The following GPR17 variants were observed in gnomAD, a reference collection of about 807,000 sequenced individuals.
GPR17 encodes the protein G protein-coupled receptor 17, also known as uracil nucleotide/cysteinyl leukotriene receptor.
GPR17 carries 4 observed loss-of-function variants against 1.5 expected under a neutral mutation model. The observed-to-expected ratio is 2.73, with a 90% CI of 1.35 to 6.25. The LOEUF (loss-of-function observed/expected upper bound fraction) is 6.25, where lower values mean the gene tolerates loss of function less well. GPR17 is among the 30% of genes most tolerant of loss of function. The pLI, the probability that GPR17 is intolerant of heterozygous loss-of-function variation, is 0.00. For synonymous variants in GPR17, 209 were observed against 207.6 expected (o/e 1.01, Z -0.06); for missense variants, 463 against 462.1 (o/e 1.00, Z -0.02).
At chr2:127,650,318 C>T in intron 1 of GPR17, 1 of 564,622 alleles carries the variant, frequency 1.8e-6, no homozygotes, top group East Asian at 3.0e-5. Context: ...TGCCCCCGCC[C>T]CTCACCACCC....
chr2:127,651,770 C>T lies in GPR17; in HGVS notation c.*15C>T. The T allele has an allele frequency of 6.2e-7, 1 of 1,607,050 alleles. No homozygotes were observed. Among genetic ancestry groups the T allele is most frequent in the Non-Finnish European group, 8.5e-7 (1 of 1,176,050 alleles). On this transcript the variant is annotated 3_prime_UTR_variant, in exon 2 of 2. Coordinates refer to ENST00000486700, the MANE Select transcript of GPR17 (RefSeq NM_001161417.2). ...CAGAGCTGTGAGCGGGGGGCGCCGT[C>T]CAGGCCGAGCGCAGACTGTTTAGGA...
intron 1 of GPR17, 78 bp from the exon 2 acceptor site, chr2:127,650,638 C>T (rs1683648759): frequency 2.0e-6 from 2 of 1,015,560 alleles, no homozygotes; most frequent in African/African-American, 1.6e-5. Flanking sequence ...GCATTGGAGG[C>T]CTGACTTCTG....
chr2:127,649,553 C>T (rs577677803), intron 1 of GPR17, among the ~76,000 whole-genome samples: 200 of 152,366 alleles, frequency 1.3e-3, no homozygotes, highest in African/African-American at 4.4e-3. Context: ...GCCCTGGTTC[C>T]GGGCTGCGGG....
chr2:127,652,012 G>GA lies in GPR17; in HGVS notation c.*258dup, dbSNP rs1683853628. On this transcript the variant is annotated 3_prime_UTR_variant, in exon 2 of 2. Transcript: ENST00000486700. ...ACTCAACGACTTCATCTGTGGCAGG[G>GA]AGAGAGGAGGCCGGAAGAACAACCC... The GA allele has an allele frequency of 1.9e-6, 1 of 539,834 alleles. No individual in the cohort carries two copies. The highest frequency in any genetic ancestry group is 3.4e-6 in the Non-Finnish European group (1 of 296,370). 33.4% of individuals were successfully genotyped at this position (539,834 alleles called of 1,614,324 possible).
rs914380423 is a variant in GPR17 at position 127,649,907 on chromosome 2, T to A, written c.-20-809T>A. ...ATGGGTCTTCCCCTCCTGGAAGAGA[T>A]GCTGCCCCCTGGTGGTGGATCTACT... On this transcript the variant is annotated intron_variant, in intron 1 of 1. Transcript: ENST00000486700. 1.2e-5 allele frequency: 11 copies of A among 930,362 alleles called. No homozygotes were observed. The African/African-American group carries it at 1.5e-4, about 13-fold the overall frequency. The allele number at this position is 930,362 out of a possible 1,614,324, so 57.6% of individuals were successfully genotyped here.
chr2:127,650,734 G>A lies in GPR17; in HGVS notation c.-2G>A. On this transcript the variant is annotated 5_prime_UTR_variant, in exon 2 of 2. Transcript: ENST00000486700. ...CCTCCAGGCTCTGACTCCAGCCAAA[G>A]CATGAATGGCCTTGAAGTGGCTCCC... 6.2e-7 allele frequency: 1 copy of A among 1,607,454 alleles called. No individual in the cohort carries two copies.
intron 1 of GPR17, among the ~76,000 whole-genome samples, chr2:127,649,355 G>C (rs2105260897): frequency 6.6e-6 from 1 of 152,336 alleles, no homozygotes; most frequent in South Asian, 2.1e-4. Context: ...GGCACAGGCA[G>C]GATGCCAGCT....
chr2:127,652,145 T>G lies in GPR17; in HGVS notation c.*390T>G. On this transcript the variant is annotated 3_prime_UTR_variant, in exon 2 of 2. Coordinates refer to ENST00000486700, the MANE Select transcript of GPR17 (RefSeq NM_001161417.2). ...AAAGACCCTGAAGGCAGGCTGCAAA[T>G]GACCCAGAAGAGGGACCTGGGAGTC... 3.9e-6 allele frequency: 1 copy of G among 254,556 alleles called. No individual in the cohort carries two copies. Among genetic ancestry groups the G allele is most frequent in the Non-Finnish European group, 8.1e-6 (1 of 122,772 alleles). The allele number at this position is 254,556 out of a possible 1,614,324, so 15.8% of individuals were successfully genotyped here. A position where few individuals can be genotyped will look rare whatever the true frequency, so the allele number is the denominator to read the frequency against.
Position 127,652,332 on chromosome 2 carries a change from G to A in GPR17, c.*577G>A, listed in dbSNP as rs1187345651. 1 of 173,650 alleles carries A rather than the reference G, an allele frequency of 5.8e-6. No homozygotes were observed. Among genetic ancestry groups the A allele is most frequent in the African/African-American group, 2.4e-5 (1 of 41,518 alleles). 10.8% of individuals were successfully genotyped at this position (173,650 alleles called of 1,614,324 possible). On this transcript the variant is annotated 3_prime_UTR_variant, in exon 2 of 2. Coordinates refer to ENST00000486700, the MANE Select transcript of GPR17 (RefSeq NM_001161417.2). ...CGGACGTCAGCACTCACGGCCTGCA[G>A]GGACTCAGCACAGCTCTGGATTCTG...
rs1438360292 is a variant in GPR17, at chr2:127,652,033, A to C, written c.*278A>C. ...CAGGGAGAGAGGAGGCCGGAAGAAC[A>C]ACCCCTGAACAATGGAGGCCTTTCT... On this transcript the variant is annotated 3_prime_UTR_variant, in exon 2 of 2. Coordinates refer to ENST00000486700, the MANE Select transcript of GPR17 (RefSeq NM_001161417.2). 10 of 470,796 alleles carry C rather than the reference A, an allele frequency of 2.1e-5. No individual in the cohort carries two copies. Among genetic ancestry groups the C allele is most frequent in the Non-Finnish European group, 1.9e-5 (5 of 256,900 alleles). The allele number at this position is 470,796 out of a possible 1,614,324, so 29.2% of individuals were successfully genotyped here. A position where few individuals can be genotyped will look rare whatever the true frequency, so the allele number is the denominator to read the frequency against.
Position 127,652,178 on chromosome 2 carries a change from G to A in GPR17, c.*423G>A. The stretch of plus-strand genomic sequence containing the variant: ...AAGAGGGACCTGGGAGTCCTGGTGG[G>A]GACGGGGAGGGAGTCTCAATACTCC... On this transcript the variant is annotated 3_prime_UTR_variant, in exon 2 of 2. Coordinates refer to ENST00000486700, the MANE Select transcript of GPR17 (RefSeq NM_001161417.2). 1 of 227,790 alleles carries A rather than the reference G, an allele frequency of 4.4e-6. No homozygotes were observed. The allele number at this position is 227,790 out of a possible 1,614,324, so 14.1% of individuals were successfully genotyped here.
At chr2:127,649,143 C>T (rs1034560463) in intron 1 of GPR17, among the ~76,000 whole-genome samples, 3 of 93,200 alleles carry the variant, frequency 3.2e-5, no homozygotes, top group South Asian at 3.5e-4. Flanking sequence ...ACAAGCAAAG[C>T]GAAGTGAGAG....
chr2:127,649,846 C>A (rs1306308446), intron 1 of GPR17: 3 of 638,450 alleles, frequency 4.7e-6, no homozygotes, highest in Non-Finnish European at 8.1e-6. Flanking sequence ...GATCCGTCCT[C>A]AACAGCGCTG....
At position 127,652,307 on chromosome 2, in the gene GPR17, C is replaced by T. The variant is rs1237187659; in HGVS notation, c.*552C>T. The stretch of plus-strand genomic sequence containing the variant: ...CCACACATTTCAGGCTGGTTGCCAG[C>T]GGACGTCAGCACTCACGGCCTGCAG... On this transcript the variant is annotated 3_prime_UTR_variant, in exon 2 of 2. Coordinates refer to ENST00000486700, the MANE Select transcript of GPR17 (RefSeq NM_001161417.2). The T allele has an allele frequency of 5.8e-6, 1 of 173,218 alleles. No individual in the cohort carries two copies. Among genetic ancestry groups the T allele is most frequent in the Admixed American group, 5.9e-5 (1 of 16,946 alleles). 10.7% of individuals were successfully genotyped at this position (173,218 alleles called of 1,614,324 possible). A position where few individuals can be genotyped will look rare whatever the true frequency, so the allele number is the denominator to read the frequency against.
In GPR17 at chr2:127,651,177, G is replaced by A. The variant is rs754384501; in HGVS notation, c.442G>A (p.Ala148Thr). The change falls in exon 2 of 2, where the codon GCA becomes ACA. Residue 148 changes from alanine to threonine, a missense_variant. Physicochemically the swap from Ala to Thr is moderately conservative, Grantham distance 58. Coordinates refer to ENST00000486700, the MANE Select transcript of GPR17 (RefSeq NM_001161417.2). ...CCTCAAGCTCCGCAGGCCCCTCTAC[G>A]CACACCTGGCCTGTGCCTTCCTGTG... ...KSLKLRRPLY[A>T]HLACAFLWVV... The A allele has an allele frequency of 6.2e-5, 100 of 1,611,998 alleles. No individual in the cohort carries two copies. The highest frequency in any genetic ancestry group is 1.3e-4 in the South Asian group (12 of 91,046).
chr2:127,650,783 C>T lies in GPR17; in HGVS notation c.48C>T (p.Ser16=). 2 of 1,613,920 alleles carry T rather than the reference C, an allele frequency of 1.2e-6. No homozygotes were observed. The highest frequency in any genetic ancestry group is 2.2e-5 in the South Asian group (2 of 91,084). ...VAPPGLITNF[S]LATAEQCGQE... Reference sequence around the variant, plus strand: ...CCCCAGGTCTGATCACCAACTTCTCCCTGGCCACGGCAGAGCAATGTGGCC... The same window carrying T: ...CCCCAGGTCTGATCACCAACTTCTCTCTGGCCACGGCAGAGCAATGTGGCC... The change falls in exon 2 of 2, where the codon TCC becomes TCT. Residue 16 remains serine (S), a synonymous_variant. Transcript: ENST00000486700.
rs932015238 is a variant in GPR17, at chr2:127,648,305, A to G, written c.-21+2061A>G. 3 of 522,306 alleles carry G rather than the reference A, an allele frequency of 5.7e-6. No individual in the cohort carries two copies. In the African/African-American group the frequency reaches 6.2e-5, roughly 11 times the overall value. 32.4% of individuals were successfully genotyped at this position (522,306 alleles called of 1,614,324 possible). A position where few individuals can be genotyped will look rare whatever the true frequency, so the allele number is the denominator to read the frequency against. ...TTTTCAGGTAGGGGAACCTGCCTAG[A>G]GAAATAGCTAAAAGGTAATATTATT... is the stretch of plus-strand genomic sequence containing the variant. On this transcript the variant is annotated intron_variant, in intron 1 of 1. Coordinates refer to ENST00000486700, the MANE Select transcript of GPR17 (RefSeq NM_001161417.2).
rs1162456843 is a variant in GPR17 at position 127,648,415 on chromosome 2, GC to G, written c.-21+2172del. The G allele has an allele frequency of 3.9e-5, 6 of 154,444 alleles. No homozygotes were observed. The East Asian group carries it at 1.2e-3, about 30-fold the overall frequency. The allele number at this position is 154,444 out of a possible 1,614,324, so 9.6% of individuals were successfully genotyped here. A position where few individuals can be genotyped will look rare whatever the true frequency, so the allele number is the denominator to read the frequency against. On this transcript the variant is annotated intron_variant, in intron 1 of 1. Transcript: ENST00000486700. ...CACCCTCCATGTGAGGGCCACAGCA[GC>G]TGGCCACTCGCTCTCCTGAAGGAAG...
Position 127,647,110 on chromosome 2 carries a change from C to T in GPR17, c.-21+866C>T, listed in dbSNP as rs1311523052. Among the ~76,000 whole-genome samples the T allele has an allele frequency of 6.6e-6, 1 of 152,242 alleles. No individual in the cohort carries two copies. Among genetic ancestry groups the T allele is most frequent in the Admixed American group, 6.5e-5 (1 of 15,292 alleles). On this transcript the variant is annotated intron_variant, in intron 1 of 1. Coordinates refer to ENST00000486700, the MANE Select transcript of GPR17 (RefSeq NM_001161417.2). The surrounding 1 kb of genome is among the most constrained non-coding windows in gnomAD (Gnocchi z 4.3). Reference sequence around the variant, plus strand: ...CCACCTGGTGCCATGAGATATGCCACCCCTGCCGTCACTCAGGGCCCTGAG... The same window carrying T: ...CCACCTGGTGCCATGAGATATGCCATCCCTGCCGTCACTCAGGGCCCTGAG...
Sources: gnomAD v4.1 joint callset for allele counts (sites outside exome capture counted in the v4.1 genomes callset) on GRCh38, gnomAD v4.1.1 for gene constraint, Gnocchi (gnomAD v3.1) non-coding constraint, MANE v1.5 for transcripts, NCBI Gene and HGNC (gene_info 2026-07-23, HGNC 2026-07-21) for gene names.